PECAM1: variants seen among roughly 807,000 people sequenced by gnomAD.
PECAM1 encodes the protein platelet and endothelial cell adhesion molecule 1, also known as platelet endothelial cell adhesion molecule.
PECAM1 carries 8 observed loss-of-function variants against 13.8 expected under a neutral mutation model. That is an observed-to-expected ratio of 0.58 (90% CI 0.34 to 1.05). PECAM1 has a LOEUF of 1.05. Ranked by LOEUF, PECAM1 falls within the 50% of genes least tolerant of loss-of-function variation. The probability of loss-of-function intolerance (pLI) is 0.03; values close to 1 mark genes in which losing one functional copy is unlikely to be tolerated. For synonymous variants in PECAM1, 136 were observed against 52.6 expected, an observed-to-expected ratio of 2.58 and a Z score of -6.86; for missense variants, 304 against 141.2, an observed-to-expected ratio of 2.15 and a Z score of -5.84.
intron 14 of PECAM1, among the ~76,000 whole-genome samples, chr17:64,332,322 G>A (rs922410823): frequency 6.7e-6 from 1 of 148,286 alleles, no homozygotes; most frequent in East Asian, 2.0e-4. Context: ...AAAGGACCCC[G>A]TGATTCCTGG....
In PECAM1 at chr17:64,322,986, C is replaced by A; in HGVS notation, c.*830G>T. 1.1e-6 allele frequency: 1 copy of A among 938,136 alleles called. No homozygotes were observed. The highest frequency in any genetic ancestry group is 1.3e-6 in the Non-Finnish European group (1 of 786,812). The allele number at this position is 938,136 out of a possible 1,614,324, so 58.1% of individuals were successfully genotyped here. Reference sequence around the variant, plus strand: ...CCTCCTGAAGTGCTGGGATTACAGGCGTGAGCCACCTTGCCTGCCCTGGCA... The same window carrying A: ...CCTCCTGAAGTGCTGGGATTACAGGAGTGAGCCACCTTGCCTGCCCTGGCA... On this transcript the variant is annotated 3_prime_UTR_variant, in exon 16 of 16. Transcript: ENST00000563924.
chr17:64,342,294 C>T (rs934528279), intron 13 of PECAM1, among the ~76,000 whole-genome samples: 1 of 152,152 alleles, frequency 6.6e-6, no homozygotes, highest in African/African-American at 2.4e-5. Flanking sequence ...ATGGAGAGGC[C>T]CCCAGCAAGG....
At chr17:64,323,896 A>G in intron 15 of PECAM1, 51 bp from the exon 16 acceptor site, 1 of 790,432 alleles carries the variant, frequency 1.3e-6, no homozygotes, top group South Asian at 1.3e-5. Context: ...TCAAGATTGA[A>G]GATTGCCCTG....
chr17:64,347,932 T>C lies in PECAM1; in HGVS notation c.2107+328A>G, dbSNP rs994138827. Among the ~76,000 whole-genome samples the C allele has an allele frequency of 9.6e-3, 1,458 of 151,954 alleles. 8 individuals carry two copies. Among genetic ancestry groups the C allele is most frequent in the Non-Finnish European group, 0.014 (970 of 67,958 alleles). On this transcript the variant is annotated intron_variant, in intron 13 of 15. Transcript: ENST00000563924. ...TTTTAGTAGAGATGGGGTTTTATCA[T>C]GTTGGTCAGGCTGGTCTCGAACTCC...
intron 15 of PECAM1, among the ~76,000 whole-genome samples, chr17:64,327,030 T>C (rs1470453): frequency 0.82 from 124,935 of 152,246 alleles, 51,799 homozygotes; most frequent in African/African-American, 0.95. Context: ...GATTAGGAAG[T>C]AGAGGTCTTG....
intron 13 of PECAM1, among the ~76,000 whole-genome samples, chr17:64,342,115 A>C (rs1309234198): frequency 6.7e-6 from 1 of 150,148 alleles, no homozygotes; most frequent in East Asian, 2.0e-4. Flanking sequence ...GCGCCACTGC[A>C]CTCCAGCCTG....
chr17:64,380,312 G>C (rs969682204), intron 2 of PECAM1, among the ~76,000 whole-genome samples: 9 of 151,732 alleles, frequency 5.9e-5, no homozygotes, highest in African/African-American at 2.2e-4. Context: ...TGGGCAACAA[G>C]AGCGAAACTC....
In PECAM1 at chr17:64,319,738, A is replaced by G. The variant is rs1490436047; in HGVS notation, c.*4078T>C. On this transcript the variant is annotated 3_prime_UTR_variant, in exon 16 of 16. Coordinates refer to ENST00000563924, the MANE Select transcript of PECAM1 (RefSeq NM_000442.5). ...GTGCGTTCCCAGAGGAAGGTAGGTCATATACTGGTTAAATTCCGCCATTTT... is the reference window on the plus strand; with the variant it reads ...GTGCGTTCCCAGAGGAAGGTAGGTCGTATACTGGTTAAATTCCGCCATTTT... 1 of 152,164 alleles carries G rather than the reference A, an allele frequency of 6.6e-6. No individual in the cohort carries two copies. The highest frequency in any genetic ancestry group is 1.5e-5 in the Non-Finnish European group (1 of 68,064). 9.4% of individuals were successfully genotyped at this position (152,164 alleles called of 1,614,324 possible).
In PECAM1 at chr17:64,389,021, G is replaced by A. The variant is rs118198788; in HGVS notation, c.91+1468C>T. Among the ~76,000 whole-genome samples, 1,126 of 152,234 alleles carry A rather than the reference G, an allele frequency of 7.4e-3. 20 individuals are homozygous for A. Among genetic ancestry groups the A allele is most frequent in the African/African-American group, 0.026 (1,065 of 41,532 alleles). ...ACCATCAGTCCAGCAGGATAATTATGAAGATTATGGATATCCTGCCTCCGT... is the reference window on the plus strand; with the variant it reads ...ACCATCAGTCCAGCAGGATAATTATAAAGATTATGGATATCCTGCCTCCGT... On this transcript the variant is annotated intron_variant, in intron 2 of 15. Transcript: ENST00000563924.
At position 64,322,160 on chromosome 17, in the gene PECAM1, C is replaced by G. The variant is rs2034822101; in HGVS notation, c.*1656G>C. On this transcript the variant is annotated 3_prime_UTR_variant, in exon 16 of 16. Coordinates refer to ENST00000563924, the MANE Select transcript of PECAM1 (RefSeq NM_000442.5). ...GGAGCACACATGAGGACAAGGCGGGCAGATCACCAAAGGTCAGGCATTCGA... is the reference window on the plus strand; with the variant it reads ...GGAGCACACATGAGGACAAGGCGGGGAGATCACCAAAGGTCAGGCATTCGA... The G allele has an allele frequency of 5.9e-6, 5 of 843,152 alleles. No homozygotes were observed. Among genetic ancestry groups the G allele is most frequent in the Non-Finnish European group, 7.2e-6 (5 of 691,588 alleles). 52.2% of individuals were successfully genotyped at this position (843,152 alleles called of 1,614,324 possible). A position where few individuals can be genotyped will look rare whatever the true frequency, so the allele number is the denominator to read the frequency against.
chr17:64,383,645 C>T (rs1218452817), intron 2 of PECAM1, among the ~76,000 whole-genome samples: 1 of 152,194 alleles, frequency 6.6e-6, no homozygotes. Context: ...ACAACCCTTG[C>T]GTGAGCCTCC....
At chr17:64,324,983 TAAAA>T (rs1400371935) in intron 15 of PECAM1, among the ~76,000 whole-genome samples, 8 of 152,222 alleles carry the variant, frequency 5.3e-5, no homozygotes, top group African/African-American at 1.9e-4. Context: ...TGCTTTCACT[TAAAA>T]AGAAAAAGCT....
chr17:64,357,671 T>C (rs2035876087), intron 7 of PECAM1, among the ~76,000 whole-genome samples: 1 of 152,156 alleles, frequency 6.6e-6, no homozygotes, highest in African/African-American at 2.4e-5. Flanking sequence ...GCCCTAAGCC[T>C]CAGTTACGTC....
At position 64,322,347 on chromosome 17, in the gene PECAM1, C is replaced by T; in HGVS notation, c.*1469G>A. The stretch of plus-strand genomic sequence containing the variant: ...GTTGCAGTGAGCAGAGGTTGCGCCG[C>T]TGCAGTCCAGCCCGGGCAACAAGAG... On this transcript the variant is annotated 3_prime_UTR_variant, in exon 16 of 16. Coordinates refer to ENST00000563924, the MANE Select transcript of PECAM1 (RefSeq NM_000442.5). 1 of 901,332 alleles carries T rather than the reference C, an allele frequency of 1.1e-6. No homozygotes were observed. Among genetic ancestry groups the T allele is most frequent in the Non-Finnish European group, 1.3e-6 (1 of 752,608 alleles). The allele number at this position is 901,332 out of a possible 1,614,324, so 55.8% of individuals were successfully genotyped here. A position where few individuals can be genotyped will look rare whatever the true frequency, so the allele number is the denominator to read the frequency against.
At chr17:64,359,814 C>T (rs915011808) in intron 7 of PECAM1, among the ~76,000 whole-genome samples, 6 of 151,524 alleles carry the variant, frequency 4.0e-5, no homozygotes, top group South Asian at 2.1e-4. Context: ...AGTGCAATGG[C>T]GCAACTTGGC....
At chr17:64,341,370 A>G (rs2035425896) in intron 14 of PECAM1, among the ~76,000 whole-genome samples, 1 of 152,194 alleles carries the variant, frequency 6.6e-6, no homozygotes, top group Non-Finnish European at 1.5e-5. Context: ...CCCAGCCACC[A>G]GGGCCTGTGT....
intron 15 of PECAM1, among the ~76,000 whole-genome samples, chr17:64,325,164 G>A (rs1555645344): frequency 2.0e-5 from 3 of 152,220 alleles, no homozygotes; most frequent in Non-Finnish European, 2.9e-5. Context: ...CGAGGCGGGT[G>A]GATCATGAGG....
In PECAM1 at chr17:64,363,130, T is replaced by A. The variant is rs2036024570; in HGVS notation, c.1216+19A>T. 2.1e-6 allele frequency: 1 copy of A among 475,278 alleles called. No individual in the cohort carries two copies. The highest frequency in any genetic ancestry group is 2.0e-5 in the African/African-American group (1 of 50,512). 29.4% of individuals were successfully genotyped at this position (475,278 alleles called of 1,614,324 possible). ...CATTCAACCCTGGATGTCCTCTGAG[T>A]CAGCAACAATATACTCACCACATAC... On this transcript the variant is annotated intron_variant, in intron 6 of 15. Coordinates refer to ENST00000563924, the MANE Select transcript of PECAM1 (RefSeq NM_000442.5).
At chr17:64,376,773 G>A (rs942143172) in intron 3 of PECAM1, among the ~76,000 whole-genome samples, 4 of 152,214 alleles carry the variant, frequency 2.6e-5, no homozygotes, top group African/African-American at 9.6e-5. Flanking sequence ...TTAGGAGTTC[G>A]AGACCAGGCT....
Sources: allele counts gnomAD v4.1 joint callset (sites outside exome capture counted in the v4.1 genomes callset), GRCh38; gene constraint gnomAD v4.1.1; transcripts MANE v1.5; gene names NCBI Gene and HGNC (gene_info 2026-07-23, HGNC 2026-07-21).